Variants in CACNA1D observed in about 807,000 individuals in gnomAD.
CACNA1D encodes voltage-dependent L-type calcium channel subunit alpha-1D.
Under a neutral mutation model 257.1 loss-of-function variants are expected in CACNA1D, and 55 were observed. The ratio of observed to expected loss-of-function variants is 0.21; its 90% CI spans 0.17 to 0.27. The LOEUF (loss-of-function observed/expected upper bound fraction) is 0.27, where lower values mean the gene tolerates loss of function less well. Ranked by LOEUF, CACNA1D falls within the 10% of genes least tolerant of loss-of-function variation. The pLI is 1.00. For missense variants in CACNA1D, 1,876 were observed against 2,784.0 expected (o/e 0.67, Z 7.34); for synonymous variants, 980 against 1,014.9 (o/e 0.97, Z 0.65).
At chr3:53,503,843 AC>A (rs1477784422) in intron 3 of CACNA1D, among the ~76,000 whole-genome samples, 1 of 150,700 alleles carries the variant, frequency 6.6e-6, no homozygotes, top group African/African-American at 2.4e-5. Flanking sequence ...TATTCCTTTG[AC>A]CTCTTCATAT....
At chr3:53,662,578 C>T (rs193063722) in intron 5 of CACNA1D, among the ~76,000 whole-genome samples, 19 of 152,304 alleles carry the variant, frequency 1.2e-4, no homozygotes, top group Non-Finnish European at 2.4e-4. Flanking sequence ...GAGGTAGTGA[C>T]TAGTGTAAGT....
intron 3 of CACNA1D, among the ~76,000 whole-genome samples, chr3:53,634,372 G>A (rs561666276): frequency 2.8e-4 from 43 of 152,248 alleles, no homozygotes; most frequent in African/African-American, 8.9e-4. Context: ...CTGAATTAAC[G>A]GGACAGATGT....
rs2095605103 is a variant in CACNA1D, at chr3:53,812,587, T to G, written c.*1181T>G. 1.0e-5 allele frequency: 1 copy of G among 100,032 alleles called. No homozygotes were observed. Among genetic ancestry groups the G allele is most frequent in the Admixed American group, 1.2e-4 (1 of 8,336 alleles). The allele number at this position is 100,032 out of a possible 1,614,324, so 6.2% of individuals were successfully genotyped here. A position where few individuals can be genotyped will look rare whatever the true frequency, so the allele number is the denominator to read the frequency against. On this transcript the variant is annotated 3_prime_UTR_variant, in exon 48 of 48. Transcript: ENST00000350061. ...TTTGTTTGTTTGACTTGAACCACCC[T>G]CTGGTAAGTAAGTAAGTGAATTACA...
At chr3:53,809,817 G>A (rs939564201) in intron 46 of CACNA1D, 161 bp from the exon 47 acceptor site, 17 of 700,026 alleles carry the variant, frequency 2.4e-5, no homozygotes, top group Admixed American at 2.1e-4. Flanking sequence ...AGTCATCACC[G>A]CCCATTCATT....
At chr3:53,500,358 C>T (rs1185425869) in intron 2 of CACNA1D, among the ~76,000 whole-genome samples, 4 of 149,552 alleles carry the variant, frequency 2.7e-5, no homozygotes, top group Non-Finnish European at 5.9e-5. Flanking sequence ...TGGCTTGAGC[C>T]TGGGAGGCGG....
At chr3:53,805,761 CCCT>C (rs1194320471) in intron 45 of CACNA1D, among the ~76,000 whole-genome samples, 3 of 147,166 alleles carry the variant, frequency 2.0e-5, no homozygotes, top group Non-Finnish European at 3.0e-5. Flanking sequence ...CCCTCCTCCT[CCCT>C]CATCTTCCCT....
chr3:53,643,986 T>C (rs1559459281), intron 3 of CACNA1D, among the ~76,000 whole-genome samples: 1 of 152,228 alleles, frequency 6.6e-6, no homozygotes, highest in Non-Finnish European at 1.5e-5. Flanking sequence ...GGGGCGCTGG[T>C]ATCATAGAAC....
chr3:53,537,727 G>A (rs188343549), intron 3 of CACNA1D, among the ~76,000 whole-genome samples: 2 of 152,000 alleles, frequency 1.3e-5, no homozygotes, highest in African/African-American at 4.8e-5. Flanking sequence ...ATTTTAATCT[G>A]TCTGTTCCCT....
In CACNA1D at chr3:53,673,578, G is replaced by A; in HGVS notation, c.1220+452G>A. 7.6e-6 allele frequency: 5 copies of A among 657,770 alleles called. No individual in the cohort carries two copies. The highest frequency in any genetic ancestry group is 1.7e-5 in the South Asian group (1 of 57,800). The allele number at this position is 657,770 out of a possible 1,614,324, so 40.7% of individuals were successfully genotyped here. A position where few individuals can be genotyped will look rare whatever the true frequency, so the allele number is the denominator to read the frequency against. ...TTATTTGCAGAAAAAAAAAAAAAAA[G>A]GGAAGGACCTAGGCCCAGTCCCTGT... On this transcript the variant is annotated intron_variant, in intron 8 of 47. Coordinates refer to ENST00000350061, the MANE Select transcript of CACNA1D (RefSeq NM_001128840.3). This position sits in a 1 kb window ranked among gnomAD's most constrained non-coding sequence, Gnocchi z 4.1.
At chr3:53,562,553 T>G (rs1363272232) in intron 3 of CACNA1D, among the ~76,000 whole-genome samples, 3 of 152,210 alleles carry the variant, frequency 2.0e-5, no homozygotes, top group Admixed American at 2.0e-4. Flanking sequence ...TATCAAAAAA[T>G]TCACCTGTTT....
At chr3:53,805,412 T>C (rs2106833376) in intron 45 of CACNA1D, among the ~76,000 whole-genome samples, 1 of 152,274 alleles carries the variant, frequency 6.6e-6, no homozygotes, top group Non-Finnish European at 1.5e-5. Context: ...CACGCACACA[T>C]CTGGTAAGGG....
At chr3:53,503,453 G>A (rs911362512) in intron 3 of CACNA1D, among the ~76,000 whole-genome samples, 3 of 152,220 alleles carry the variant, frequency 2.0e-5, no homozygotes, top group Admixed American at 2.0e-4. Context: ...ATTTAACGAC[G>A]TGGATGGTGA....
chr3:53,762,651 G>C (rs1205313481), intron 30 of CACNA1D: 1 of 456,608 alleles, frequency 2.2e-6, no homozygotes, highest in East Asian at 7.0e-5. Context: ...AGCAAACTTT[G>C]TGTCCTATAT....
At chr3:53,784,777 T>C (rs1349512112) in intron 39 of CACNA1D, among the ~76,000 whole-genome samples, 1 of 152,088 alleles carries the variant, frequency 6.6e-6, no homozygotes, top group Non-Finnish European at 1.5e-5. Context: ...CGTGTCCACT[T>C]TTTGTGTGCA....
intron 3 of CACNA1D, among the ~76,000 whole-genome samples, chr3:53,638,758 G>A (rs985067582): frequency 1.3e-5 from 2 of 152,216 alleles, no homozygotes; most frequent in South Asian, 2.1e-4. Context: ...TCCTAGCATG[G>A]TGGCCACCTC....
intron 3 of CACNA1D, among the ~76,000 whole-genome samples, chr3:53,646,670 C>T (rs2680657): frequency 0.11 from 17,446 of 152,116 alleles, 1,364 homozygotes; most frequent in African/African-American, 0.23. Flanking sequence ...TTCCCAAAGC[C>T]TTGGGGCACA....
intron 3 of CACNA1D, among the ~76,000 whole-genome samples, chr3:53,601,839 TAGC>T (rs2107881619): frequency 6.6e-6 from 1 of 152,214 alleles, no homozygotes; most frequent in Admixed American, 6.5e-5. Flanking sequence ...GCTTCTAGAG[TAGC>T]TGGGATTACA....
At chr3:53,600,762 A>G (rs2093431133) in intron 3 of CACNA1D, among the ~76,000 whole-genome samples, 1 of 152,216 alleles carries the variant, frequency 6.6e-6, no homozygotes, top group Admixed American at 6.5e-5. Flanking sequence ...GAATTTTCAT[A>G]AGGTATTAAC....
At chr3:53,540,640 C>T (rs1157269285) in intron 3 of CACNA1D, among the ~76,000 whole-genome samples, 1 of 152,086 alleles carries the variant, frequency 6.6e-6, no homozygotes, top group Middle Eastern at 3.2e-3. Flanking sequence ...AATAGTGTCA[C>T]ATTGTTTGCA....
Sources: gnomAD v4.1 joint callset for allele counts (sites outside exome capture counted in the v4.1 genomes callset) on GRCh38, gnomAD v4.1.1 for gene constraint, Gnocchi (gnomAD v3.1) non-coding constraint, MANE v1.5 for transcripts, NCBI Gene and HGNC (gene_info 2026-07-23, HGNC 2026-07-21) for gene names.